MAML3: variants seen among roughly 807,000 people sequenced by gnomAD.
MAML3 encodes mastermind like transcriptional coactivator 3.
Under a neutral mutation model 101.9 loss-of-function variants are expected in MAML3, and 27 were observed. That is an observed-to-expected ratio of 0.27 (90% CI 0.20 to 0.37). The LOEUF is 0.37. MAML3 is among the 10% of genes least tolerant of loss of function. The pLI is 1.00. For missense variants in MAML3, 1,316 were observed against 1,444.9 expected (o/e 0.91, Z 1.45); for synonymous variants, 501 against 555.9 (o/e 0.90, Z 1.39).
At chr4:140,117,623 ATATGTATG>A (rs1262114189) in intron 1 of MAML3, among the ~76,000 whole-genome samples, 1 of 150,302 alleles carries the variant, frequency 6.7e-6, no homozygotes, top group African/African-American at 2.4e-5. Context: ...ATATAAATAT[ATATGTATG>A]TATGTATGTG....
At chr4:139,935,117 AC>A (rs904902708) in intron 1 of MAML3, among the ~76,000 whole-genome samples, 2 of 147,132 alleles carry the variant, frequency 1.4e-5, no homozygotes, top group Non-Finnish European at 3.0e-5. Flanking sequence ...ACTGCCTATC[AC>A]CCCCCTTCCT....
At chr4:139,739,767 G>T (rs965596221) in intron 2 of MAML3, among the ~76,000 whole-genome samples, 7 of 148,622 alleles carry the variant, frequency 4.7e-5, no homozygotes, top group African/African-American at 1.7e-4. Flanking sequence ...CTAGCCACTG[G>T]ATAGTCTTGT....
At chr4:139,981,873 C>A (rs1578627754) in intron 1 of MAML3, among the ~76,000 whole-genome samples, 1 of 152,156 alleles carries the variant, frequency 6.6e-6, no homozygotes, top group Non-Finnish European at 1.5e-5. Flanking sequence ...AGATAAAGTG[C>A]CATTCTCATC....
At chr4:139,888,177 C>CG (rs1330168011) in intron 2 of MAML3, among the ~76,000 whole-genome samples, 8 of 149,272 alleles carry the variant, frequency 5.4e-5, no homozygotes, top group Non-Finnish European at 1.2e-4. Flanking sequence ...CTTGGGGTTT[C>CG]GGGGGTGGGG....
At chr4:140,069,591 AGAGGAGGAG>A (rs1165004051) in intron 1 of MAML3, among the ~76,000 whole-genome samples, 1 of 127,710 alleles carries the variant, frequency 7.8e-6, no homozygotes, top group Non-Finnish European at 1.7e-5. Context: ...AGGAGGAGGA[AGAGGAGGAG>A]GAAGAAGAAG....
chr4:140,095,905 A>G (rs760013339), intron 1 of MAML3, among the ~76,000 whole-genome samples: 1 of 152,120 alleles, frequency 6.6e-6, no homozygotes, highest in Non-Finnish European at 1.5e-5. Context: ...AGTGCTTCAT[A>G]CACATTTCTG....
At chr4:139,731,794 T>C (rs1188225728) in intron 2 of MAML3, among the ~76,000 whole-genome samples, 1 of 152,224 alleles carries the variant, frequency 6.6e-6, no homozygotes, top group Admixed American at 6.5e-5. Flanking sequence ...CCCAGGTGAC[T>C]ACATGGAGAA....
chr4:140,075,528 G>A lies in MAML3; in HGVS notation c.468+77332C>T, dbSNP rs114282161. Among the ~76,000 whole-genome samples, 870 of 152,152 alleles carry A rather than the reference G, an allele frequency of 5.7e-3. 9 individuals are homozygous for A. The highest frequency in any genetic ancestry group is 0.02 in the African/African-American group (822 of 41,520). On this transcript the variant is annotated intron_variant, in intron 1 of 4. Transcript: ENST00000509479. ...AAGCACAATGTGAAAGTTAAACATA[G>A]ATACATATTATTTTATTTTATTTTT...
chr4:139,843,696 G>T (rs1296878015), intron 2 of MAML3, among the ~76,000 whole-genome samples: 1 of 152,128 alleles, frequency 6.6e-6, no homozygotes, highest in Non-Finnish European at 1.5e-5. Context: ...TCTTAATTCG[G>T]AGTCTTCTAA....
At chr4:139,973,822 G>A (rs554654651) in intron 1 of MAML3, among the ~76,000 whole-genome samples, 2 of 152,256 alleles carry the variant, frequency 1.3e-5, no homozygotes, top group South Asian at 4.1e-4. Context: ...GATAAATCTT[G>A]CTGAAGCAAC....
intron 4 of MAML3, among the ~76,000 whole-genome samples, chr4:139,723,347 G>A (rs1728332169): frequency 6.6e-6 from 1 of 152,120 alleles, no homozygotes; most frequent in African/African-American, 2.4e-5. Context: ...TTTTGCTCTT[G>A]TTGCCCAGGC....
At chr4:140,125,979 T>C (rs895325823) in intron 1 of MAML3, among the ~76,000 whole-genome samples, 3 of 152,178 alleles carry the variant, frequency 2.0e-5, no homozygotes, top group Admixed American at 2.0e-4. Context: ...AGTTTCACCA[T>C]GTTGGTCAGG....
chr4:140,083,705 C>T (rs1671891373), intron 1 of MAML3, among the ~76,000 whole-genome samples: 1 of 152,032 alleles, frequency 6.6e-6, no homozygotes, highest in African/African-American at 2.4e-5. Flanking sequence ...CTAAGTTTCC[C>T]CTGTATTAAC....
chr4:139,778,627 C>T (rs1730136200), intron 2 of MAML3, among the ~76,000 whole-genome samples: 1 of 152,140 alleles, frequency 6.6e-6, no homozygotes, highest in South Asian at 2.1e-4. Context: ...TTCCTGAGGG[C>T]GAATCTCTAG....
rs756137223 is a variant in MAML3, at chr4:139,889,992, T to C, written c.1444A>G (p.Met482Val). ...AAQQQQRAKL[M>V]QQKQQQQQQQ... ...TGTTGCTGTTGCTGTTTCTGCTGCA[T>C]GAGTTTGGCCCTTTGTTGCTGCTGT... The change falls in exon 2 of 5, where the codon ATG becomes GTG. Residue 482 changes from methionine (M) to valine (V), a missense_variant. Physicochemically the swap from Met to Val is conservative, Grantham distance 21. Transcript: ENST00000509479. The C allele has an allele frequency of 2.7e-5, 43 of 1,611,930 alleles. 1 individual carries two copies. In the Admixed American group the frequency reaches 5.5e-4, roughly 21 times the overall value.
chr4:140,028,094 G>C (rs1408087826), intron 1 of MAML3, among the ~76,000 whole-genome samples: 1 of 152,148 alleles, frequency 6.6e-6, no homozygotes, highest in Non-Finnish European at 1.5e-5. Flanking sequence ...ATTATGTTTG[G>C]AATAGGTTTA....
At chr4:139,862,141 G>T (rs960530024) in intron 2 of MAML3, among the ~76,000 whole-genome samples, 2 of 152,156 alleles carry the variant, frequency 1.3e-5, no homozygotes, top group Non-Finnish European at 2.9e-5. Flanking sequence ...CCTGGGAGAC[G>T]GAGGTTGCAG....
At chr4:140,057,192 C>T (rs1294974464) in intron 1 of MAML3, among the ~76,000 whole-genome samples, 2 of 152,172 alleles carry the variant, frequency 1.3e-5, no homozygotes, top group African/African-American at 4.8e-5. Flanking sequence ...GGGAGGATCG[C>T]TTGAGCTCAG....
intron 1 of MAML3, among the ~76,000 whole-genome samples, chr4:140,138,821 C>A (rs1304313148): frequency 6.6e-6 from 1 of 152,152 alleles, no homozygotes; most frequent in East Asian, 1.9e-4. Context: ...CATCCTGAAG[C>A]CCAAACTCAA....
Sources: allele counts gnomAD v4.1 joint callset (sites outside exome capture counted in the v4.1 genomes callset), GRCh38; gene constraint gnomAD v4.1.1; transcripts MANE v1.5; gene names NCBI Gene and HGNC (gene_info 2026-07-23, HGNC 2026-07-21).